ACOT7: variants seen among roughly 807,000 people sequenced by gnomAD.
The protein encoded by ACOT7 is cytosolic acyl coenzyme A thioester hydrolase.
ACOT7 carries 12 observed loss-of-function variants against 40.2 expected under a neutral mutation model. The ratio of observed to expected loss-of-function variants is 0.30; its 90% CI spans 0.19 to 0.48. The LOEUF (loss-of-function observed/expected upper bound fraction) is 0.48, where lower values mean the gene tolerates loss of function less well. ACOT7 is among the 20% of genes least tolerant of loss of function. The probability of loss-of-function intolerance (pLI) is 0.99; values close to 1 mark genes in which losing one functional copy is unlikely to be tolerated. For missense variants in ACOT7, 395 were observed against 530.8 expected, an observed-to-expected ratio of 0.74 and a Z score of 2.51; for synonymous variants, 228 against 219.5, an observed-to-expected ratio of 1.04 and a Z score of -0.34.
chr1:6,382,773 G>A (rs1325901507), intron 1 of ACOT7, among the ~76,000 whole-genome samples: 1 of 151,778 alleles, frequency 6.6e-6, no homozygotes, highest in African/African-American at 2.4e-5. Flanking sequence ...ACCACCACAT[G>A]CGCCCCAGAA....
intron 7 of ACOT7, among the ~76,000 whole-genome samples, chr1:6,290,089 G>A (rs1017811544): frequency 2.0e-5 from 3 of 152,262 alleles, no homozygotes; most frequent in East Asian, 1.9e-4. Flanking sequence ...CAGCACGAGG[G>A]GGGGAATGGG....
chr1:6,364,331 C>T (rs1329305814), intron 1 of ACOT7, among the ~76,000 whole-genome samples: 2 of 150,366 alleles, frequency 1.3e-5, no homozygotes, highest in African/African-American at 4.9e-5. Flanking sequence ...CACCTGAGGT[C>T]GGGCGTTCAA....
intron 1 of ACOT7, among the ~76,000 whole-genome samples, chr1:6,361,329 G>T (rs1352670965): frequency 6.6e-6 from 1 of 152,196 alleles, no homozygotes. Context: ...GGCTGGAGGA[G>T]GGGAAATGGG....
chr1:6,291,245 C>T (rs565543420), intron 7 of ACOT7, among the ~76,000 whole-genome samples: 8 of 152,224 alleles, frequency 5.3e-5, no homozygotes, highest in African/African-American at 1.4e-4. Flanking sequence ...GAGATCACCC[C>T]GGATTCTCCA....
In ACOT7 at chr1:6,359,773, T is replaced by C. The variant is rs1427064834; in HGVS notation, c.144-9907A>G. Among the ~76,000 whole-genome samples the C allele has an allele frequency of 1.3e-5, 2 of 152,200 alleles. No homozygotes were observed. The highest frequency in any genetic ancestry group is 4.1e-4 in the South Asian group (2 of 4,830). ...ACCAGGGCTGCTTTCCCAGGAATCCTGTGACCAGCAAGGGAAATGGAAAGT... is the reference window on the plus strand; with the variant it reads ...ACCAGGGCTGCTTTCCCAGGAATCCCGTGACCAGCAAGGGAAATGGAAAGT... On this transcript the variant is annotated intron_variant, in intron 1 of 8. Transcript: ENST00000361521. This position sits in a 1 kb window ranked among gnomAD's most constrained non-coding sequence, Gnocchi z 4.1.
chr1:6,305,241 G>A (rs1265180394), intron 6 of ACOT7, among the ~76,000 whole-genome samples: 1 of 143,772 alleles, frequency 7.0e-6, no homozygotes, highest in Non-Finnish European at 1.5e-5. Flanking sequence ...GGCGGGCCGG[G>A]CGGGGGGCTG....
At chr1:6,310,002 T>C (rs191576377) in intron 6 of ACOT7, among the ~76,000 whole-genome samples, 59 of 152,148 alleles carry the variant, frequency 3.9e-4, no homozygotes, top group African/African-American at 1.4e-3. Flanking sequence ...AGAGTTTAGG[T>C]TAGGTGAGGG....
In ACOT7 at chr1:6,297,854, G is replaced by A. The variant is rs149077543; in HGVS notation, c.713-2874C>T. On this transcript the variant is annotated intron_variant, in intron 6 of 8. Coordinates refer to ENST00000361521, the MANE Select transcript of ACOT7 (RefSeq NM_007274.4). ...TTGCCCATTGCTGGTGCTGGGAGAC[G>A]AATACCCAGGGGCTTGGGATGCTCT... Among the ~76,000 whole-genome samples, 6 of 152,042 alleles carry A rather than the reference G, an allele frequency of 3.9e-5. No homozygotes were observed. The East Asian group carries it at 1.2e-3, about 29-fold the overall frequency.
At chr1:6,385,062 C>T (rs764211334) in intron 1 of ACOT7, among the ~76,000 whole-genome samples, 23 of 151,984 alleles carry the variant, frequency 1.5e-4, no homozygotes, top group Non-Finnish European at 2.4e-4. Flanking sequence ...CTGTTAGGAT[C>T]AGCCAATCGT....
At chr1:6,296,552 T>C (rs376006792) in intron 6 of ACOT7, among the ~76,000 whole-genome samples, 3 of 151,598 alleles carry the variant, frequency 2.0e-5, no homozygotes, top group South Asian at 2.1e-4. Context: ...GCCTCCCGAG[T>C]AGCTGGAACT....
intron 4 of ACOT7, among the ~76,000 whole-genome samples, chr1:6,329,014 A>C (rs1359851975): frequency 6.6e-6 from 1 of 152,110 alleles, no homozygotes; most frequent in African/African-American, 2.4e-5. Flanking sequence ...TCACTCAACC[A>C]ACCATTCCAG....
intron 1 of ACOT7, among the ~76,000 whole-genome samples, chr1:6,362,022 G>T (rs547817367): frequency 3.3e-5 from 5 of 152,324 alleles, no homozygotes; most frequent in Non-Finnish European, 5.9e-5. Context: ...AAGTAGAACT[G>T]GCTCAGTAGG....
At chr1:6,332,871 T>C (rs1571316199) in intron 4 of ACOT7, among the ~76,000 whole-genome samples, 1 of 149,488 alleles carries the variant, frequency 6.7e-6, no homozygotes. Context: ...GAAAGAAAGA[T>C]GCTTCCAACC....
chr1:6,386,129 G>A (rs1392201810), intron 1 of ACOT7, among the ~76,000 whole-genome samples: 1 of 152,214 alleles, frequency 6.6e-6, no homozygotes, highest in South Asian at 2.1e-4. Flanking sequence ...CACAGGCACC[G>A]GGAGAGCTGG....
At chr1:6,360,718 C>A (rs1194577004) in intron 1 of ACOT7, 7 of 1,612,078 alleles carry the variant, frequency 4.3e-6, no homozygotes, top group Non-Finnish European at 5.9e-6. Flanking sequence ...AAGGAATGAG[C>A]CTGGGCCCCA....
chr1:6,307,970 A>C (rs987397417), intron 6 of ACOT7, among the ~76,000 whole-genome samples: 18 of 151,002 alleles, frequency 1.2e-4, no homozygotes, highest in African/African-American at 3.9e-4. Flanking sequence ...CAACAGGTGG[A>C]GGAAACTGCA....
intron 5 of ACOT7, among the ~76,000 whole-genome samples, chr1:6,322,723 G>T (rs72633419): frequency 0.068 from 10,412 of 152,304 alleles, 387 homozygotes; most frequent in Non-Finnish European, 0.088. Flanking sequence ...CCTCTTTAAA[G>T]ACTCTTTCTT....
chr1:6,346,646 C>T (rs1453779140), intron 2 of ACOT7, among the ~76,000 whole-genome samples: 1 of 152,238 alleles, frequency 6.6e-6, no homozygotes, highest in Non-Finnish European at 1.5e-5. Context: ...GCACTGTGCC[C>T]TGACTCCACA....
intron 3 of ACOT7, among the ~76,000 whole-genome samples, chr1:6,337,124 G>A (rs1037407438): frequency 6.6e-6 from 1 of 152,250 alleles, no homozygotes; most frequent in Non-Finnish European, 1.5e-5. Flanking sequence ...GCACGACAGC[G>A]CAATGCCAGC....
Sources: allele counts gnomAD v4.1 joint callset (sites outside exome capture counted in the v4.1 genomes callset), GRCh38; gene constraint gnomAD v4.1.1; non-coding constraint Gnocchi (gnomAD v3.1); transcripts MANE v1.5; gene names NCBI Gene and HGNC (gene_info 2026-07-23, HGNC 2026-07-21).